SNTG1: variants seen among roughly 807,000 people sequenced by gnomAD.
SNTG1 encodes the protein gamma-1-syntrophin.
SNTG1 carries 39 observed loss-of-function variants against 74.7 expected under a neutral mutation model. The observed-to-expected ratio is 0.52, with a 90% CI of 0.40 to 0.68. The LOEUF is 0.68. Among genes scored for constraint, SNTG1 ranks in the 30% least tolerant of loss-of-function variants. The probability of loss-of-function intolerance (pLI) is 0.00; values close to 1 mark genes in which losing one functional copy is unlikely to be tolerated. For missense variants in SNTG1, 685 were observed against 609.5 expected, an observed-to-expected ratio of 1.12 and a Z score of -1.30; for synonymous variants, 254 against 217.1, an observed-to-expected ratio of 1.17 and a Z score of -1.49.
At chr8:50,587,725 T>C (rs1304071598) in intron 12 of SNTG1, among the ~76,000 whole-genome samples, 1 of 149,880 alleles carries the variant, frequency 6.7e-6, no homozygotes, top group Admixed American at 6.7e-5. Flanking sequence ...CGCGCGAGGG[T>C]GAGGCAGGAG....
chr8:50,507,107 T>G (rs1056916966), intron 9 of SNTG1, among the ~76,000 whole-genome samples: 2 of 152,068 alleles, frequency 1.3e-5, no homozygotes, highest in African/African-American at 4.8e-5. Context: ...TGCCATTCTG[T>G]TATTGTGATG....
chr8:50,008,203 T>A (rs1815432271), intron 1 of SNTG1, among the ~76,000 whole-genome samples: 1 of 152,028 alleles, frequency 6.6e-6, no homozygotes, highest in Non-Finnish European at 1.5e-5. Context: ...AGCTCTAGAG[T>A]GACAAATTTT....
At position 50,795,883 on chromosome 8, in the gene SNTG1, G is replaced by C. The variant is rs1432617875; in HGVS notation, c.*3054G>C. Reference sequence around the variant, plus strand: ...CACTTATCCAGCTTTTTTAAAATGGGAGGATAATCAGGTAATTATTTCTTG... The same window carrying C: ...CACTTATCCAGCTTTTTTAAAATGGCAGGATAATCAGGTAATTATTTCTTG... On this transcript the variant is annotated 3_prime_UTR_variant, in exon 19 of 19. Coordinates refer to ENST00000642720, the MANE Select transcript of SNTG1 (RefSeq NM_018967.5). 1.3e-5 allele frequency: 2 copies of C among 151,996 alleles called. No homozygotes were observed. The highest frequency in any genetic ancestry group is 2.9e-5 in the Non-Finnish European group (2 of 67,954). 9.4% of individuals were successfully genotyped at this position (151,996 alleles called of 1,614,324 possible). A position where few individuals can be genotyped will look rare whatever the true frequency, so the allele number is the denominator to read the frequency against.
intron 2 of SNTG1, among the ~76,000 whole-genome samples, chr8:50,333,238 G>A (rs1406133962): frequency 6.6e-6 from 1 of 152,160 alleles, no homozygotes; most frequent in African/African-American, 2.4e-5. Context: ...TATAAAATGG[G>A]AAGAGTGAAA....
intron 4 of SNTG1, among the ~76,000 whole-genome samples, chr8:50,420,092 G>T (rs1242690830): frequency 2.6e-5 from 4 of 152,016 alleles, no homozygotes; most frequent in Non-Finnish European, 5.9e-5. Flanking sequence ...AGAAGAAAAA[G>T]AGTTCAGACT....
chr8:50,577,116 T>C (rs981868294), intron 12 of SNTG1, among the ~76,000 whole-genome samples: 12 of 152,196 alleles, frequency 7.9e-5, no homozygotes, highest in African/African-American at 2.4e-4. Context: ...GCGGTTTTTA[T>C]GTATGGCTTA....
chr8:50,171,112 C>T (rs1260591356), intron 1 of SNTG1, among the ~76,000 whole-genome samples: 1 of 152,150 alleles, frequency 6.6e-6, no homozygotes, highest in African/African-American at 2.4e-5. Flanking sequence ...TCCACAACTG[C>T]CACAAGTCCA....
At chr8:50,300,661 T>G (rs2089605742) in intron 2 of SNTG1, among the ~76,000 whole-genome samples, 1 of 152,116 alleles carries the variant, frequency 6.6e-6, no homozygotes, top group Admixed American at 6.6e-5. Context: ...GATATAATTT[T>G]TATCAGTATT....
intron 17 of SNTG1, among the ~76,000 whole-genome samples, chr8:50,726,842 C>A (rs1203824792): frequency 1.3e-5 from 2 of 151,882 alleles, no homozygotes; most frequent in African/African-American, 4.8e-5. Flanking sequence ...GAGTGAGACT[C>A]TGTCTCAAAA....
chr8:50,653,606 AT>A (rs1372608576), intron 13 of SNTG1, among the ~76,000 whole-genome samples: 7 of 151,836 alleles, frequency 4.6e-5, no homozygotes, highest in African/African-American at 1.2e-4. Flanking sequence ...CAAACTGTTT[AT>A]TTTTTTCTAT....
chr8:49,963,507 T>C (rs1810878466), intron 1 of SNTG1, among the ~76,000 whole-genome samples: 1 of 152,236 alleles, frequency 6.6e-6, no homozygotes, highest in African/African-American at 2.4e-5. Flanking sequence ...AGTGTTTTTC[T>C]TTTGGTATGT....
At chr8:49,994,269 T>C (rs924695537) in intron 1 of SNTG1, among the ~76,000 whole-genome samples, 11 of 149,002 alleles carry the variant, frequency 7.4e-5, no homozygotes, top group Non-Finnish European at 1.6e-4. Context: ...TTTTTTTTTT[T>C]TTTTGAGATG....
chr8:50,103,152 G>A (rs58712511), intron 1 of SNTG1, among the ~76,000 whole-genome samples: 13,198 of 152,186 alleles, frequency 0.087, 1,862 homozygotes, highest in African/African-American at 0.3. Flanking sequence ...ACCTTGGGCC[G>A]TATGGCCATT....
chr8:50,732,579 T>A lies in SNTG1; in HGVS notation c.1285-19422T>A, dbSNP rs573572063. Among the ~76,000 whole-genome samples the A allele has an allele frequency of 5.9e-5, 9 of 152,098 alleles. No individual in the cohort carries two copies. In the South Asian group the frequency reaches 1.7e-3, roughly 28 times the overall value. On this transcript the variant is annotated intron_variant, in intron 17 of 18. Transcript: ENST00000642720. The stretch of plus-strand genomic sequence containing the variant: ...AAGGTGTTTAACATATTCCTTTACA[T>A]TTTATATATTGTATTTCCATACAAT...
rs1381048539 is a variant in SNTG1, at chr8:50,376,756, T to TATATATATATATAGAGAG, written c.-27-17455_-27-17454insTATATATATATAGAGAGA. On this transcript the variant is annotated intron_variant, in intron 2 of 18. Coordinates refer to ENST00000642720, the MANE Select transcript of SNTG1 (RefSeq NM_018967.5). Reference sequence around the variant, plus strand: ...ATATATATATATATATATATATATATAGAGAGAGAGAGAGAGAGAGAGAGA... The same window carrying TATATATATATATAGAGAG: ...ATATATATATATATATATATATATATATATATATATATAGAGAGAGAGAGAGAGAGAGAGAGAGAGAGA... Among the ~76,000 whole-genome samples, 57 of 89,926 alleles carry TATATATATATATAGAGAG rather than the reference T, an allele frequency of 6.3e-4. 1 individual carries two copies. The highest frequency in any genetic ancestry group is 7.6e-4 in the Non-Finnish European group (34 of 44,620). 59.0% of individuals were successfully genotyped at this position (89,926 alleles called of 152,430 possible).
At chr8:49,986,186 A>C (rs1813137168) in intron 1 of SNTG1, among the ~76,000 whole-genome samples, 1 of 152,164 alleles carries the variant, frequency 6.6e-6, no homozygotes, top group Non-Finnish European at 1.5e-5. Context: ...AAAGGGGAAA[A>C]ATATGCCCAG....
chr8:49,944,520 T>C (rs1287025854), intron 1 of SNTG1, among the ~76,000 whole-genome samples: 3 of 133,738 alleles, frequency 2.2e-5, no homozygotes, highest in Admixed American at 8.7e-5. Flanking sequence ...TAGGTGGGAA[T>C]TGAACAATGA....
At chr8:50,704,455 G>C in intron 15 of SNTG1, 145 bp from the exon 16 acceptor site, 1 of 961,720 alleles carries the variant, frequency 1.0e-6, no homozygotes, top group Non-Finnish European at 1.7e-6. Flanking sequence ...CCGGAGTTCT[G>C]GTATAATGTC....
At chr8:50,242,944 T>A (rs2086231438) in intron 2 of SNTG1, among the ~76,000 whole-genome samples, 1 of 152,112 alleles carries the variant, frequency 6.6e-6, no homozygotes, top group Non-Finnish European at 1.5e-5. Context: ...TTTCTTTGAT[T>A]CATGCAGGAC....
Sources: gnomAD v4.1 joint callset for allele counts (sites outside exome capture counted in the v4.1 genomes callset) on GRCh38, gnomAD v4.1.1 for gene constraint, MANE v1.5 for transcripts, NCBI Gene and HGNC (gene_info 2026-07-23, HGNC 2026-07-21) for gene names.